PRH1: variants seen among roughly 807,000 people sequenced by gnomAD.
PRH1 encodes proline rich protein HaeIII subfamily 1.
Under a neutral mutation model 7.9 loss-of-function variants are expected in PRH1, and 7 were observed. The ratio of observed to expected loss-of-function variants is 0.89; its 90% CI spans 0.50 to 1.67. The LOEUF (loss-of-function observed/expected upper bound fraction) is 1.67. Ranked by LOEUF, PRH1 falls within the 40% of genes most tolerant of loss-of-function variation. PRH1 has a pLI of 0.00. For missense variants in PRH1, 109 were observed against 223.6 expected (o/e 0.49, Z 3.27); for synonymous variants, 45 against 80.8 (o/e 0.56, Z 2.38).
intron 1 of PRH1, among the ~76,000 whole-genome samples, chr12:11,035,580 T>A (rs970538346): frequency 2.0e-5 from 3 of 152,206 alleles, no homozygotes; most frequent in East Asian, 1.9e-4. Flanking sequence ...AGAGTTTTTT[T>A]AAACTTTTAG....
intron 1 of PRH1, among the ~76,000 whole-genome samples, chr12:10,985,083 A>C (rs935503016): frequency 8.6e-5 from 13 of 151,854 alleles, no homozygotes; most frequent in Admixed American, 6.6e-5. Flanking sequence ...AGAAAAAAAA[A>C]CCTGAAATAC....
chr12:11,109,328 G>A (rs113903003), intron 1 of PRH1, among the ~76,000 whole-genome samples: 2 of 152,224 alleles, frequency 1.3e-5, no homozygotes, highest in Admixed American at 1.3e-4. Context: ...CTAAAGGACA[G>A]AGTGCCTCCT....
chr12:10,909,801 G>A (rs982322505), intron 2 of PRH1, among the ~76,000 whole-genome samples: 9 of 152,114 alleles, frequency 5.9e-5, no homozygotes, highest in African/African-American at 2.2e-4. Context: ...AATATGCAAA[G>A]ACTTACCTAT....
At chr12:11,123,658 A>G (rs1945994930) in intron 1 of PRH1, among the ~76,000 whole-genome samples, 1 of 152,072 alleles carries the variant, frequency 6.6e-6, no homozygotes, top group Non-Finnish European at 1.5e-5. Context: ...ACAGAACTCC[A>G]GAAGTATGTT....
intron 1 of PRH1, among the ~76,000 whole-genome samples, chr12:11,042,175 T>G (rs1449340735): frequency 1.3e-5 from 2 of 151,830 alleles, no homozygotes; most frequent in East Asian, 3.9e-4. Flanking sequence ...AAAAGATCAA[T>G]GAAACAAAAA....
chr12:11,026,882 T>C (rs1283635447), intron 1 of PRH1, among the ~76,000 whole-genome samples: 1 of 152,256 alleles, frequency 6.6e-6, no homozygotes, highest in East Asian at 1.9e-4. Context: ...TGTATCATAA[T>C]AATAACACTG....
chr12:10,985,950 A>C, intron 1 of PRH1: 1 of 1,592,360 alleles, frequency 6.3e-7, no homozygotes, highest in Non-Finnish European at 8.5e-7. Context: ...TGAGAGTTTC[A>C]GGTCTTTTAC....
chr12:10,942,983 G>C (rs983906669), intron 2 of PRH1, among the ~76,000 whole-genome samples: 1 of 152,148 alleles, frequency 6.6e-6, no homozygotes, highest in Admixed American at 6.5e-5. Context: ...TTTTCCCAGG[G>C]GAGGTTGTGT....
chr12:11,087,673 C>T (rs201393537), intron 1 of PRH1, among the ~76,000 whole-genome samples: 210 of 99,400 alleles, frequency 2.1e-3, no homozygotes, highest in East Asian at 4.5e-3. Context: ...CTGGTCACTG[C>T]CATGACAAAA....
intron 1 of PRH1, among the ~76,000 whole-genome samples, chr12:11,149,678 T>G (rs1284874575): frequency 7.1e-6 from 1 of 141,392 alleles, no homozygotes; most frequent in African/African-American, 2.6e-5. Context: ...TCAAGATGGA[T>G]TAAAGACTTA....
intron 2 of PRH1, among the ~76,000 whole-genome samples, chr12:10,942,923 A>C (rs1287820173): frequency 1.3e-5 from 2 of 152,018 alleles, no homozygotes; most frequent in African/African-American, 4.8e-5. Context: ...CTCTAAATTA[A>C]CTCAGCTCCA....
At chr12:10,920,569 G>T (rs2135846517) in intron 2 of PRH1, among the ~76,000 whole-genome samples, 2 of 151,978 alleles carry the variant, frequency 1.3e-5, no homozygotes, top group East Asian at 3.9e-4. Flanking sequence ...GACCAGTGCT[G>T]GTGAATAGGT....
exon 1 of PRH1, chr12:11,047,135 T>C (rs2597984): frequency 0.82 from 360,194 of 441,624 alleles, 150,964 homozygotes; most frequent in East Asian, 0.96. Context: ...TTTAAAAAGC[T>C]GGCGCCTTCT....
chr12:11,103,712 T>TA (rs952612147), intron 1 of PRH1, among the ~76,000 whole-genome samples: 1 of 151,372 alleles, frequency 6.6e-6, no homozygotes, highest in African/African-American at 2.4e-5. Flanking sequence ...AAATAAAATA[T>TA]AAAAAAAATG....
chr12:11,053,708 T>C (rs976823465), intron 1 of PRH1, among the ~76,000 whole-genome samples: 4 of 152,286 alleles, frequency 2.6e-5, no homozygotes, highest in African/African-American at 9.6e-5. Context: ...GATGATGATG[T>C]CACCTGAAAG....
chr12:10,909,042 A>G (rs1949853504), intron 2 of PRH1: 1 of 1,613,708 alleles, frequency 6.2e-7, no homozygotes. Flanking sequence ...CCAGCTAAAA[A>G]TCATAATTCT....
At chr12:10,950,911 G>A (rs1950560967) in intron 2 of PRH1, among the ~76,000 whole-genome samples, 1 of 151,842 alleles carries the variant, frequency 6.6e-6, no homozygotes, top group Admixed American at 6.6e-5. Flanking sequence ...ATTAAAAAAG[G>A]GCAAGCCCAG....
At chr12:10,939,549 GTGT>G (rs1206646163) in intron 2 of PRH1, among the ~76,000 whole-genome samples, 5 of 127,790 alleles carry the variant, frequency 3.9e-5, no homozygotes, top group African/African-American at 8.6e-5. Flanking sequence ...ATTGGTTTGT[GTGT>G]TTTTTTTTTT....
intron 1 of PRH1, among the ~76,000 whole-genome samples, chr12:11,147,241 AG>A (rs1333234115): frequency 2.0e-5 from 3 of 152,138 alleles, no homozygotes; most frequent in African/African-American, 7.2e-5. Flanking sequence ...CCCAGGCTGG[AG>A]TGCAGTGGCA....
Sources: gnomAD v4.1 joint callset for allele counts (sites outside exome capture counted in the v4.1 genomes callset) on GRCh38, gnomAD v4.1.1 for gene constraint, MANE v1.5 for transcripts, NCBI Gene and HGNC (gene_info 2026-07-23, HGNC 2026-07-21) for gene names.